Variants in LRGUK observed in about 807,000 individuals in gnomAD.
The protein encoded by LRGUK is leucine rich repeats and guanylate kinase domain containing.
In LRGUK, 65 loss-of-function variants were observed where a neutral mutation model predicts 76.0. The ratio of observed to expected loss-of-function variants is 0.85; its 90% CI spans 0.70 to 1.05. LRGUK has a LOEUF of 1.05. Ranked by LOEUF, LRGUK falls within the 50% of genes least tolerant of loss-of-function variation. The pLI, the probability that LRGUK is intolerant of heterozygous loss-of-function variation, is 0.00. For missense variants in LRGUK, 758 were observed against 732.8 expected, an observed-to-expected ratio of 1.03 and a Z score of -0.40; for synonymous variants, 268 against 265.6, an observed-to-expected ratio of 1.01 and a Z score of -0.09.
At chr7:134,217,743 A>G (rs990493368) in intron 15 of LRGUK, among the ~76,000 whole-genome samples, 1 of 152,194 alleles carries the variant, frequency 6.6e-6, no homozygotes, top group Non-Finnish European at 1.5e-5. Flanking sequence ...ATTATCTATC[A>G]TATTAAAAGT....
chr7:134,258,560 G>A (rs1247252100), intron 19 of LRGUK, among the ~76,000 whole-genome samples, 155 bp downstream of exon 19: 1 of 151,950 alleles, frequency 6.6e-6, no homozygotes, highest in Non-Finnish European at 1.5e-5. Flanking sequence ...TTGGCCAGGT[G>A]TGGTGGTGGG....
intron 7 of LRGUK, among the ~76,000 whole-genome samples, chr7:134,173,876 T>G (rs753825559): frequency 6.6e-6 from 1 of 152,132 alleles, no homozygotes; most frequent in South Asian, 2.1e-4. Context: ...TTTGGGAGGC[T>G]GTGGCAGGCG....
intron 15 of LRGUK, among the ~76,000 whole-genome samples, chr7:134,221,032 C>A (rs1259276340): frequency 1.3e-5 from 2 of 152,124 alleles, no homozygotes; most frequent in Non-Finnish European, 2.9e-5. Context: ...AATTTTCTTT[C>A]TTAGTTTCCG....
rs188940298 is a variant in LRGUK, at chr7:134,200,497, A to C, written c.1748-984A>C. On this transcript the variant is annotated intron_variant, in intron 14 of 15. Transcript: ENST00000645682. ...ATAATTTATGTAAAAAAATTGTGCA[A>C]TTGTATTTTCTTGTGCTACATAAAA... Among the ~76,000 whole-genome samples, 26 of 152,242 alleles carry C rather than the reference A, an allele frequency of 1.7e-4. 1 individual carries two copies. The East Asian group carries it at 3.3e-3, about 19-fold the overall frequency.
intron 1 of LRGUK, among the ~76,000 whole-genome samples, chr7:134,129,558 G>A (rs559169824): frequency 8.1e-5 from 12 of 147,906 alleles, no homozygotes; most frequent in African/African-American, 3.0e-4. Context: ...CTGCAGTCTC[G>A]ACCTCCTAGT....
the LRGUK span, among the ~76,000 whole-genome samples, chr7:134,272,510 TA>T: frequency 6.6e-6 from 1 of 151,770 alleles, no homozygotes; most frequent in African/African-American, 2.4e-5. Context: ...ACCACACAAA[TA>T]AAAAGCAAGG....
At chr7:134,205,179 A>G (rs369055159) in intron 15 of LRGUK, among the ~76,000 whole-genome samples, 34 of 152,026 alleles carry the variant, frequency 2.2e-4, no homozygotes, top group South Asian at 6.2e-4. Context: ...CCTTTTTTCA[A>G]TCCTCCCTGA....
At chr7:134,224,722 A>G (rs895308306) in intron 16 of LRGUK, among the ~76,000 whole-genome samples, 7 of 152,128 alleles carry the variant, frequency 4.6e-5, no homozygotes, top group Non-Finnish European at 7.4e-5. Context: ...TCCAATCTAA[A>G]TATCACCTGT....
At chr7:134,143,034 C>G in intron 3 of LRGUK, 28 bp from the exon 4 acceptor site, 1 of 1,211,994 alleles carries the variant, frequency 8.3e-7, no homozygotes, top group East Asian at 2.3e-5. Flanking sequence ...ATTGGCTTAC[C>G]TTATTCTGTA....
chr7:134,152,610 C>A (rs1336182101), intron 5 of LRGUK, among the ~76,000 whole-genome samples: 3 of 151,916 alleles, frequency 2.0e-5, no homozygotes, highest in Non-Finnish European at 4.4e-5. Flanking sequence ...ACTTGTAGAT[C>A]CAGAAGATCT....
chr7:134,172,764 T>A (rs1053619013), intron 7 of LRGUK, among the ~76,000 whole-genome samples: 1 of 152,086 alleles, frequency 6.6e-6, no homozygotes, highest in East Asian at 1.9e-4. Flanking sequence ...GGTGGATTGC[T>A]TGAGCCCAGG....
At chr7:134,127,439 A>G in exon 1 of LRGUK, 1 of 1,613,574 alleles carries the variant, frequency 6.2e-7, no homozygotes, top group South Asian at 1.1e-5. Flanking sequence ...GCAGATCCCG[A>G]ACTGGAGCCC....
At chr7:134,151,663 T>C (rs1276273442) in intron 5 of LRGUK, among the ~76,000 whole-genome samples, 1 of 152,086 alleles carries the variant, frequency 6.6e-6, no homozygotes, top group Non-Finnish European at 1.5e-5. Context: ...AATCTGACAG[T>C]GTATTAAAAA....
chr7:134,215,105 T>C (rs1251874244), downstream of LRGUK, among the ~76,000 whole-genome samples: 5 of 152,214 alleles, frequency 3.3e-5, no homozygotes, highest in African/African-American at 1.2e-4. Flanking sequence ...GAAAATTATA[T>C]GTACTTAGTA....
chr7:134,186,850 C>G (rs1046574741), intron 11 of LRGUK, among the ~76,000 whole-genome samples: 1 of 152,142 alleles, frequency 6.6e-6, no homozygotes, highest in African/African-American at 2.4e-5. Context: ...GCTTCATGCT[C>G]CTGTACTGTT....
chr7:134,162,826 C>CAAAAAAAAAAA (rs11445116), intron 6 of LRGUK, among the ~76,000 whole-genome samples: 1 of 61,180 alleles, frequency 1.6e-5, no homozygotes, highest in African/African-American at 6.6e-5. Flanking sequence ...GACTCCTTCT[C>CAAAAAAAAAAA]AAAAAAAAAA....
In LRGUK at chr7:134,163,381, T is replaced by C. The variant is rs527504740; in HGVS notation, c.796-16T>C. On this transcript the variant is annotated splice_polypyrimidine_tract_variant and intron_variant, in intron 6 of 15. Transcript: ENST00000645682. ...AGAGGTCTTTGAGACATTAAATATA[T>C]TTTTTTCTGTTTTAGAGCAATAACC... The C allele has an allele frequency of 3.1e-6, 5 of 1,593,140 alleles. No individual in the cohort carries two copies. The South Asian group carries it at 4.5e-5, about 14-fold the overall frequency.
intron 18 of LRGUK, among the ~76,000 whole-genome samples, chr7:134,257,080 G>A (rs1425219403): frequency 6.6e-6 from 1 of 152,180 alleles, no homozygotes; most frequent in African/African-American, 2.4e-5. Context: ...CCCTTGCTGA[G>A]TCAGGGACTA....
chr7:134,172,206 T>C (rs1799284131), intron 7 of LRGUK, among the ~76,000 whole-genome samples: 1 of 152,242 alleles, frequency 6.6e-6, no homozygotes, highest in Non-Finnish European at 1.5e-5. Flanking sequence ...ACTATAGGAC[T>C]GTACTGTTAC....
Sources: allele counts gnomAD v4.1 joint callset (sites outside exome capture counted in the v4.1 genomes callset), GRCh38; gene constraint gnomAD v4.1.1; transcripts MANE v1.5; gene names NCBI Gene and HGNC (gene_info 2026-07-23, HGNC 2026-07-21).